Variants in ARL17B observed in about 807,000 individuals in gnomAD.
ARL17B encodes the protein ADP-ribosylation factor-like protein 17.
intron 3 of ARL17B, among the ~76,000 whole-genome samples, chr17:46,348,588 ACT>A (rs1433644949): frequency 1.0e-5 from 1 of 100,038 alleles, no homozygotes; most frequent in East Asian, 2.7e-4. Context: ...AGATTACCTA[ACT>A]CTCTCAAGGT....
downstream of ARL17B, chr17:46,334,725 T>C (rs1487881316): frequency 5.4e-5 from 4 of 74,162 alleles, no homozygotes; most frequent in South Asian, 1.8e-3. Flanking sequence ...TTGAATGTTA[T>C]CTAAAACAGT....
chr17:46,279,504 T>TTC (rs200834977), intron 4 of ARL17B, among the ~76,000 whole-genome samples: 7 of 110,242 alleles, frequency 6.3e-5, no homozygotes, highest in African/African-American at 1.2e-4. Flanking sequence ...TTCTTTCTTT[T>TTC]TTTTTTTTTT....
At position 46,327,072 on chromosome 17, in the gene ARL17B, C is replaced by CTCAT. The variant is rs1386297233; in HGVS notation, c.259+25747_259+25748insATGA. On this transcript the variant is annotated intron_variant, in intron 3 of 4. Transcript: ENST00000434041. ...CATGCCTCTACTTTCTTTGATCTTC[C>CTCAT]ATGACATTGGCATTTTTTAAGAGTC... Among the ~76,000 whole-genome samples, 23 of 86,478 alleles carry CTCAT rather than the reference C, an allele frequency of 2.7e-4. No homozygotes were observed. The East Asian group carries it at 4.8e-3, about 18-fold the overall frequency. 56.7% of individuals were successfully genotyped at this position (86,478 alleles called of 152,430 possible).
At chr17:46,340,268 T>A (rs1381712670) in intron 3 of ARL17B, among the ~76,000 whole-genome samples, 1 of 76,244 alleles carries the variant, frequency 1.3e-5, no homozygotes, top group African/African-American at 4.0e-5. Context: ...CAGTCTGGAA[T>A]GCAATGGCAC....
chr17:46,287,923 A>T (rs1466655633), intron 4 of ARL17B, among the ~76,000 whole-genome samples: 1 of 152,256 alleles, frequency 6.6e-6, no homozygotes, highest in Non-Finnish European at 1.5e-5. Context: ...TGTGTCTACA[A>T]GTGTTGATAG....
At chr17:46,314,858 A>C (rs2050987424) in intron 3 of ARL17B, among the ~76,000 whole-genome samples, 1 of 81,422 alleles carries the variant, frequency 1.2e-5, no homozygotes, top group Admixed American at 1.3e-4. Flanking sequence ...TCATAGAATA[A>C]GTTAGGAAAT....
At chr17:46,276,942 T>C (rs1392896003) in intron 4 of ARL17B, among the ~76,000 whole-genome samples, 1 of 152,116 alleles carries the variant, frequency 6.6e-6, no homozygotes, top group Non-Finnish European at 1.5e-5. Flanking sequence ...TAGCTGGGAC[T>C]ACAGGCACGT....
chr17:46,278,364 CTTTT>C (rs1166948115), intron 4 of ARL17B, among the ~76,000 whole-genome samples: 2 of 151,152 alleles, frequency 1.3e-5, no homozygotes, highest in Non-Finnish European at 2.9e-5. Flanking sequence ...GAGTCCTAGT[CTTTT>C]TTGTTTTGTT....
At chr17:46,289,579 G>T (rs1402748566) in intron 4 of ARL17B, among the ~76,000 whole-genome samples, 2 of 152,034 alleles carry the variant, frequency 1.3e-5, no homozygotes, top group Non-Finnish European at 2.9e-5. Flanking sequence ...ACCTCAGGTG[G>T]TCTGCCCACC....
intron 4 of ARL17B, among the ~76,000 whole-genome samples, chr17:46,284,266 G>A (rs1280035375): frequency 1.3e-5 from 2 of 152,250 alleles, no homozygotes; most frequent in Non-Finnish European, 2.9e-5. Context: ...GCTTTCCTAG[G>A]CAGAGGTCCC....
intron 3 of ARL17B, among the ~76,000 whole-genome samples, chr17:46,340,934 C>T (rs1419717027): frequency 1.3e-5 from 1 of 78,598 alleles, no homozygotes; most frequent in Non-Finnish European, 3.5e-5. Context: ...CAGAGACGGG[C>T]CTCACTTTGT....
chr17:46,340,696 C>G (rs1481589207), intron 3 of ARL17B, among the ~76,000 whole-genome samples: 1 of 77,184 alleles, frequency 1.3e-5, no homozygotes, highest in Non-Finnish European at 3.5e-5. Flanking sequence ...GCACCCACCA[C>G]CATGCCCGGC....
At chr17:46,286,094 G>T (rs962591177) in intron 4 of ARL17B, among the ~76,000 whole-genome samples, 2 of 152,228 alleles carry the variant, frequency 1.3e-5, no homozygotes, top group African/African-American at 4.8e-5. Flanking sequence ...TAAAAAATCT[G>T]CAAGATCCGA....
At chr17:46,278,371 G>A (rs1598062136) in intron 4 of ARL17B, among the ~76,000 whole-genome samples, 1 of 149,088 alleles carries the variant, frequency 6.7e-6, no homozygotes, top group African/African-American at 2.5e-5. Flanking sequence ...AGTCTTTTTT[G>A]TTTTGTTTTG....
chr17:46,283,208 C>A (rs1257275056), intron 4 of ARL17B, among the ~76,000 whole-genome samples: 2 of 152,180 alleles, frequency 1.3e-5, no homozygotes, highest in Admixed American at 1.3e-4. Context: ...CCAATTTATA[C>A]CCCCACCAGC....
At chr17:46,325,767 T>C (rs2051700251) in intron 3 of ARL17B, among the ~76,000 whole-genome samples, 1 of 78,462 alleles carries the variant, frequency 1.3e-5, no homozygotes, top group African/African-American at 3.2e-5. Context: ...AGGGTCATTA[T>C]GTCTGCAACT....
chr17:46,286,637 T>G (rs1418362849), intron 4 of ARL17B, among the ~76,000 whole-genome samples: 2 of 151,652 alleles, frequency 1.3e-5, no homozygotes, highest in Non-Finnish European at 2.9e-5. Flanking sequence ...GAAGGGTAGG[T>G]AAAAAGGGAA....
At chr17:46,324,148 G>T (rs1425762389) in intron 3 of ARL17B, among the ~76,000 whole-genome samples, 1 of 119,944 alleles carries the variant, frequency 8.3e-6, no homozygotes, top group Admixed American at 8.5e-5. Flanking sequence ...GCACATGCCT[G>T]TAATCCCAGC....
intron 4 of ARL17B, among the ~76,000 whole-genome samples, chr17:46,280,793 C>T (rs1319289451): frequency 1.3e-5 from 2 of 152,078 alleles, no homozygotes; most frequent in Non-Finnish European, 2.9e-5. Flanking sequence ...AGGATGGTCT[C>T]GAAATGCTGA....
Sources: gnomAD v4.1 joint callset for allele counts (sites outside exome capture counted in the v4.1 genomes callset) on GRCh38, gnomAD v4.1.1 for gene constraint, MANE v1.5 for transcripts, NCBI Gene and HGNC (gene_info 2026-07-23, HGNC 2026-07-21) for gene names.